Variants in NLGN4Y observed in about 807,000 individuals in gnomAD.
The protein encoded by NLGN4Y is neuroligin 4 Y-linked, also known as neuroligin-4, Y-linked.
A neutral mutation model predicts 8.4 loss-of-function variants in NLGN4Y; 4 were observed. That is an observed-to-expected ratio of 0.48 (90% CI 0.23 to 1.09). The LOEUF (loss-of-function observed/expected upper bound fraction) is 1.09. NLGN4Y is among the 50% of genes least tolerant of loss of function. The pLI is 0.19. For synonymous variants in NLGN4Y, 35 were observed against 75.6 expected (o/e 0.46, Z 2.78); for missense variants, 90 against 192.3 (o/e 0.47, Z 3.15).
At chrY:14,777,523 T>A (rs2081130797) in intron 4 of NLGN4Y, among the ~76,000 whole-genome samples, 2 of 32,010 alleles carry the variant, frequency 6.2e-5, no homozygotes, top group South Asian at 7.1e-4. Flanking sequence ...GATAAACACT[T>A]TCATCAATTT....
intron 1 of NLGN4Y, among the ~76,000 whole-genome samples, chrY:14,599,717 A>G: frequency 1.2e-4 from 4 of 33,112 alleles, no homozygotes; most frequent in Non-Finnish European, 2.2e-4. Flanking sequence ...TCCCAGACAC[A>G]TAATACATGC....
At chrY:14,594,570 T>TCTA in intron 1 of NLGN4Y, among the ~76,000 whole-genome samples, 1 of 32,730 alleles carries the variant, frequency 3.1e-5, no homozygotes, top group South Asian at 7.0e-4. Flanking sequence ...GGTTTAATAA[T>TCTA]GTCTCTAGAT....
At chrY:14,691,170 C>T in intron 2 of NLGN4Y, among the ~76,000 whole-genome samples, 3 of 33,075 alleles carry the variant, frequency 9.1e-5, no homozygotes, top group East Asian at 8.1e-4. Context: ...TCACATTTAG[C>T]GCCTTTCTGG....
chrY:14,684,646 A>G (rs889030793), intron 2 of NLGN4Y, among the ~76,000 whole-genome samples: 7 of 33,165 alleles, frequency 2.1e-4, no homozygotes, highest in African/African-American at 8.2e-4. Context: ...CTCATGAGGC[A>G]TCCACCTCTG....
At chrY:14,738,881 A>C in intron 4 of NLGN4Y, among the ~76,000 whole-genome samples, 1 of 32,280 alleles carries the variant, frequency 3.1e-5, no homozygotes, top group African/African-American at 1.2e-4. Context: ...CTTTGCTAAT[A>C]TATTTATCCA....
At chrY:14,824,069 G>T in intron 4 of NLGN4Y, 119 bp from the exon 5 acceptor site, 1 of 216,126 alleles carries the variant, frequency 4.6e-6, no homozygotes, top group South Asian at 4.3e-5. Flanking sequence ...TCTAATTTGT[G>T]GGGGACAGGG....
At chrY:14,524,430 C>A (rs2080083141), upstream of NLGN4Y, 1 of 95,738 alleles carries the variant, frequency 1.0e-5, no homozygotes, top group Non-Finnish European at 2.3e-5. Context: ...TTCATCTGGT[C>A]TCTTCTCCCC....
intron 4 of NLGN4Y, among the ~76,000 whole-genome samples, chrY:14,790,747 T>C: frequency 3.0e-5 from 1 of 33,200 alleles, no homozygotes; most frequent in South Asian, 6.7e-4. Flanking sequence ...CCATATCCAA[T>C]AGTGTCTTTA....
intron 4 of NLGN4Y, among the ~76,000 whole-genome samples, chrY:14,765,159 G>A (rs2081090387): frequency 3.0e-5 from 1 of 33,451 alleles, no homozygotes; most frequent in Non-Finnish European, 7.4e-5. Flanking sequence ...GAGTCTTAAA[G>A]TGAATAAAAT....
chrY:14,760,592 A>C, intron 4 of NLGN4Y, among the ~76,000 whole-genome samples: 3 of 33,874 alleles, frequency 8.9e-5, no homozygotes, highest in Admixed American at 2.7e-4. Flanking sequence ...GAGAATCTCA[A>C]AGCGTGACAC....
intron 4 of NLGN4Y, among the ~76,000 whole-genome samples, chrY:14,732,005 A>G (rs915430158): frequency 2.7e-4 from 9 of 33,262 alleles, no homozygotes; most frequent in Non-Finnish European, 4.5e-4. Flanking sequence ...TCTTCCTGTG[A>G]TATGAGTTCA....
At chrY:14,810,637 A>C (rs1002666755) in intron 4 of NLGN4Y, among the ~76,000 whole-genome samples, 1 of 33,134 alleles carries the variant, frequency 3.0e-5, no homozygotes, top group Non-Finnish European at 7.4e-5. Flanking sequence ...TCAAGTTTTG[A>C]TATATTATTG....
intron 1 of NLGN4Y, among the ~76,000 whole-genome samples, chrY:14,540,866 G>A (rs2080147373): frequency 3.0e-5 from 1 of 33,615 alleles, no homozygotes; most frequent in Non-Finnish European, 7.3e-5. Context: ...GTAAAAGGCT[G>A]AAAATTCCAA....
chrY:14,562,680 A>G (rs111598747), intron 1 of NLGN4Y, among the ~76,000 whole-genome samples: 5,350 of 33,476 alleles, frequency 0.16, no homozygotes, highest in Middle Eastern at 0.38. Context: ...ATCCTTTAGC[A>G]TGGAATGCTT....
intron 4 of NLGN4Y, among the ~76,000 whole-genome samples, chrY:14,817,225 G>T: frequency 3.0e-5 from 1 of 33,429 alleles, no homozygotes; most frequent in Admixed American, 2.7e-4. Flanking sequence ...GCTACAGCTT[G>T]TACTAGGGCC....
intron 2 of NLGN4Y, among the ~76,000 whole-genome samples, chrY:14,670,721 T>C (rs2080707439): frequency 9.0e-5 from 3 of 33,519 alleles, no homozygotes; most frequent in African/African-American, 3.5e-4. Context: ...GCACTTAGAA[T>C]ACTAAAACTA....
At chrY:14,669,069 T>C (rs2080701342) in intron 2 of NLGN4Y, among the ~76,000 whole-genome samples, 1 of 33,375 alleles carries the variant, frequency 3.0e-5, no homozygotes, top group African/African-American at 1.2e-4. Flanking sequence ...GAGGACAAAA[T>C]GTCATTCAAA....
At chrY:14,709,704 C>A in intron 2 of NLGN4Y, among the ~76,000 whole-genome samples, 1 of 31,341 alleles carries the variant, frequency 3.2e-5, no homozygotes, top group Admixed American at 2.9e-4. Context: ...CAGAGCAAGA[C>A]TCCATCTTAA....
intron 4 of NLGN4Y, among the ~76,000 whole-genome samples, chrY:14,742,210 A>G (rs1036061905): frequency 3.0e-5 from 1 of 33,210 alleles, no homozygotes; most frequent in Non-Finnish European, 7.5e-5. Flanking sequence ...AAAGTAGAGG[A>G]ATTTCAGTTT....
Sources: allele counts gnomAD v4.1 joint callset (sites outside exome capture counted in the v4.1 genomes callset), GRCh38; gene constraint gnomAD v4.1.1; transcripts MANE v1.5; gene names NCBI Gene and HGNC (gene_info 2026-07-23, HGNC 2026-07-21).